Variants in RBM33 observed in about 807,000 individuals in gnomAD.
The protein encoded by RBM33 is RNA binding motif protein 33, also known as RNA-binding protein 33.
A neutral mutation model predicts 132.6 loss-of-function variants in RBM33; 28 were observed. That is an observed-to-expected ratio of 0.21 (90% CI 0.16 to 0.29). The LOEUF (loss-of-function observed/expected upper bound fraction) is 0.29. RBM33 is among the 10% of genes least tolerant of loss of function. RBM33 has a pLI of 1.00. For synonymous variants in RBM33, 634 were observed against 593.0 expected, an observed-to-expected ratio of 1.07 and a Z score of -1.01; for missense variants, 1,291 against 1,518.5, an observed-to-expected ratio of 0.85 and a Z score of 2.49.
At chr7:155,691,264 T>C (rs555624482) in intron 5 of RBM33, among the ~76,000 whole-genome samples, 1 of 152,334 alleles carries the variant, frequency 6.6e-6, no homozygotes, top group East Asian at 1.9e-4. Context: ...TCGAATCGGC[T>C]ACTGAAGCTT....
In RBM33 at chr7:155,775,527, T is replaced by C. The variant is rs749033312; in HGVS notation, c.*486T>C. On this transcript the variant is annotated 3_prime_UTR_variant, in exon 18 of 18. Coordinates refer to ENST00000401878, the MANE Select transcript of RBM33 (RefSeq NM_053043.3). ...GTCTTCTCAGCCCTCAAAAGGCTCT[T>C]GTACAAAATGTAGATTAAAATTTGG... The C allele has an allele frequency of 2.0e-4, 36 of 180,420 alleles. No individual in the cohort carries two copies. The highest frequency in any genetic ancestry group is 3.6e-4 in the Non-Finnish European group (30 of 83,692). The allele number at this position is 180,420 out of a possible 1,614,324, so 11.2% of individuals were successfully genotyped here. A position where few individuals can be genotyped will look rare whatever the true frequency, so the allele number is the denominator to read the frequency against.
Position 155,745,800 on chromosome 7 carries a change from C to T in RBM33, c.2979+198C>T. 5 of 604,740 alleles carry T rather than the reference C, an allele frequency of 8.3e-6. No homozygotes were observed. Among genetic ancestry groups the T allele is most frequent in the East Asian group, 2.8e-5 (1 of 35,088 alleles). 37.5% of individuals were successfully genotyped at this position (604,740 alleles called of 1,614,324 possible). A position where few individuals can be genotyped will look rare whatever the true frequency, so the allele number is the denominator to read the frequency against. The stretch of plus-strand genomic sequence containing the variant: ...ACATTCTCAGAAATGTGTTGTTAGG[C>T]GATTTTGTCATTGTCTGAACGTGCT... On this transcript the variant is annotated intron_variant, in intron 14 of 17. Transcript: ENST00000401878. The surrounding 1 kb of genome is among the most constrained non-coding windows in gnomAD (Gnocchi z 4.1).
chr7:155,763,019 T>C (rs1488641818), intron 14 of RBM33, among the ~76,000 whole-genome samples: 1 of 152,248 alleles, frequency 6.6e-6, no homozygotes, highest in African/African-American at 2.4e-5. Context: ...ATGTTTATGC[T>C]GCCTGGACGT....
chr7:155,717,116 A>C (rs1371427484), intron 8 of RBM33, among the ~76,000 whole-genome samples: 1 of 152,224 alleles, frequency 6.6e-6, no homozygotes, highest in African/African-American at 2.4e-5. Context: ...CACATTTAGC[A>C]GAAACTTCTT....
chr7:155,749,720 A>G (rs1801634444), intron 14 of RBM33, among the ~76,000 whole-genome samples: 1 of 152,208 alleles, frequency 6.6e-6, no homozygotes, highest in African/African-American at 2.4e-5. Flanking sequence ...CTGGATGGTA[A>G]GTAGCCTCAG....
At chr7:155,752,161 C>T (rs73167176) in intron 14 of RBM33, among the ~76,000 whole-genome samples, 4,164 of 152,256 alleles carry the variant, frequency 0.027, 73 homozygotes, top group Middle Eastern at 0.037. Context: ...AGAAGATGTT[C>T]GAGCTCACCT....
intron 5 of RBM33, among the ~76,000 whole-genome samples, chr7:155,684,748 T>C (rs1229764464): frequency 1.3e-5 from 2 of 152,194 alleles, no homozygotes; most frequent in African/African-American, 4.8e-5. Flanking sequence ...ATATGCTTTG[T>C]TTGCATTAAC....
chr7:155,691,719 C>G (rs544492750), intron 5 of RBM33, among the ~76,000 whole-genome samples: 10 of 152,216 alleles, frequency 6.6e-5, no homozygotes, highest in East Asian at 1.9e-4. Context: ...AGTTCCTGGA[C>G]AGTCCTAATT....
chr7:155,747,528 A>G (rs1801556751), intron 14 of RBM33, among the ~76,000 whole-genome samples: 1 of 152,224 alleles, frequency 6.6e-6, no homozygotes, highest in African/African-American at 2.4e-5. Flanking sequence ...ACACTCATAA[A>G]CAGCTTTCCT....
chr7:155,655,217 T>TC (rs1377646254), intron 1 of RBM33, among the ~76,000 whole-genome samples: 10 of 152,102 alleles, frequency 6.6e-5, no homozygotes, highest in Admixed American at 2.0e-4. Context: ...ATTGGAGAAT[T>TC]CCCCCCCATT....
Position 155,734,239 on chromosome 7 carries a change from C to T in RBM33, c.1261-3291C>T, listed in dbSNP as rs145854020. Among the ~76,000 whole-genome samples the T allele has an allele frequency of 4.1e-4, 62 of 152,352 alleles. 1 individual carries two copies. In the East Asian group the frequency reaches 0.01, roughly 26 times the overall value. ...CAGGCGGTGCTCCTCCTCCTGAGTG[C>T]GTGCTTCTGTGGGTTGAGGATGTGT... On this transcript the variant is annotated intron_variant, in intron 9 of 17. Coordinates refer to ENST00000401878, the MANE Select transcript of RBM33 (RefSeq NM_053043.3).
chr7:155,739,420 G>A (rs747029153), intron 11 of RBM33: 16 of 354,232 alleles, frequency 4.5e-5, no homozygotes, highest in Non-Finnish European at 7.3e-5. Context: ...CAGTACTTTA[G>A]TATCATAGTG....
At chr7:155,763,266 T>A (rs563936096) in intron 14 of RBM33, among the ~76,000 whole-genome samples, 2 of 152,192 alleles carry the variant, frequency 1.3e-5, no homozygotes, top group Non-Finnish European at 2.9e-5. Context: ...GAGCACTGCA[T>A]TGGAGAGGTC....
chr7:155,700,008 TC>T (rs1799912648), intron 5 of RBM33, among the ~76,000 whole-genome samples: 1 of 152,218 alleles, frequency 6.6e-6, no homozygotes, highest in Admixed American at 6.5e-5. Context: ...GAGAGGTGAT[TC>T]TTTCACTAGG....
Position 155,741,931 on chromosome 7 carries a change from T to C in RBM33, c.2162T>C (p.Met721Thr). ...LPIAPSHVIEMSSSRCSATPS... is the reference protein window; with the variant it reads ...LPIAPSHVIETSSSRCSATPS... Reference sequence around the variant, plus strand: ...ATAGCGCCGTCACACGTGATAGAAATGAGCAGCAGCCGCTGCTCTGCCACG... The same window carrying C: ...ATAGCGCCGTCACACGTGATAGAAACGAGCAGCAGCCGCTGCTCTGCCACG... The change falls in exon 13 of 18, where the codon ATG becomes ACG. Residue 721 changes from methionine to threonine, a missense_variant. Met to Thr is a moderately conservative substitution (Grantham distance 81). Around this residue, in one of 7 missense-constraint regions of RBM33, gnomAD observed 841 missense variants for 912.0 expected, o/e 0.92. Transcript: ENST00000401878. 1.9e-6 allele frequency: 3 copies of C among 1,613,848 alleles called. No homozygotes were observed. The highest frequency in any genetic ancestry group is 1.7e-6 in the Non-Finnish European group (2 of 1,179,878).
rs767507896 is a variant in RBM33, at chr7:155,745,138, C to G, written c.2515C>G (p.Pro839Ala). ...QQQQQLYAPP[P>A]PAEQEEQALS... ...ACAGCAGCAGCTGTACGCTCCCCCA[C>G]CCCCAGCAGAGCAGGAAGAGCAGGC... Residue 839 changes from proline (P) to alanine (A), a missense_variant, in exon 14 of 18, where the codon CCC becomes GCC. Physicochemically the swap from Pro to Ala is conservative, Grantham distance 27. Coordinates refer to ENST00000401878, the MANE Select transcript of RBM33 (RefSeq NM_053043.3). This position sits in a 1 kb window ranked among gnomAD's most constrained non-coding sequence, Gnocchi z 4.1. 1 of 1,602,946 alleles carries G rather than the reference C, an allele frequency of 6.2e-7. No individual in the cohort carries two copies. Among genetic ancestry groups the G allele is most frequent in the Non-Finnish European group, 8.5e-7 (1 of 1,174,334 alleles).
chr7:155,775,206 A>T lies in RBM33; in HGVS notation c.*165A>T, dbSNP rs1184477687. The T allele has an allele frequency of 1.4e-6, 1 of 720,748 alleles. No homozygotes were observed. The highest frequency in any genetic ancestry group is 2.7e-5 in the East Asian group (1 of 37,330). 44.6% of individuals were successfully genotyped at this position (720,748 alleles called of 1,614,324 possible). ...CCAGCCACGGGCCTGATTCCAGAGG[A>T]GCCGAACTGACAGGACACAGCAGGC... On this transcript the variant is annotated 3_prime_UTR_variant, in exon 18 of 18. Coordinates refer to ENST00000401878, the MANE Select transcript of RBM33 (RefSeq NM_053043.3).
chr7:155,755,971 T>C (rs1191249172), intron 14 of RBM33, among the ~76,000 whole-genome samples: 1 of 152,248 alleles, frequency 6.6e-6, no homozygotes, highest in African/African-American at 2.4e-5. Flanking sequence ...AAAAAATGTT[T>C]CTGGTTTGAC....
chr7:155,758,430 A>G (rs1308634434), intron 14 of RBM33, among the ~76,000 whole-genome samples: 6 of 152,166 alleles, frequency 3.9e-5, no homozygotes, highest in Admixed American at 3.3e-4. Context: ...TTAGAGTCTT[A>G]TAAGGAGCTG....
Sources: allele counts gnomAD v4.1 joint callset (sites outside exome capture counted in the v4.1 genomes callset), GRCh38; gene constraint gnomAD v4.1.1; regional missense constraint gnomAD v4.1.1; non-coding constraint Gnocchi (gnomAD v3.1); transcripts MANE v1.5; gene names NCBI Gene and HGNC (gene_info 2026-07-23, HGNC 2026-07-21).